Variants in CASTOR2 observed in about 807,000 individuals in gnomAD.
CASTOR2 encodes the protein GATS protein like 2.
Under a neutral mutation model 31.2 loss-of-function variants are expected in CASTOR2, and 8 were observed. The ratio of observed to expected loss-of-function variants is 0.26; its 90% CI spans 0.15 to 0.46. The LOEUF (loss-of-function observed/expected upper bound fraction) is 0.46, where lower values mean the gene tolerates loss of function less well. Among genes scored for constraint, CASTOR2 ranks in the 20% least tolerant of loss-of-function variants. CASTOR2 has a pLI of 0.99. For missense variants in CASTOR2, 216 were observed against 382.1 expected (o/e 0.57, Z 3.62); for synonymous variants, 162 against 158.7 (o/e 1.02, Z -0.16).
Position 74,978,105 on chromosome 7 carries a change from T to G in CASTOR2, c.113+13007T>G, listed in dbSNP as rs1411074895. Among the ~76,000 whole-genome samples, 5 of 136,090 alleles carry G rather than the reference T, an allele frequency of 3.7e-5. No individual in the cohort carries two copies. The Admixed American group carries it at 3.7e-4, about 10-fold the overall frequency. 89.3% of individuals were successfully genotyped at this position (136,090 alleles called of 152,430 possible). On this transcript the variant is annotated intron_variant, in intron 1 of 8. Transcript: ENST00000616305. ...CTGAGGTTTTGCTTGCACACCCCAA[T>G]TTTTTTTTTTTTTTTTTGGAGACAG...
rs1326754499 is a variant in CASTOR2, at chr7:75,025,742, T to A, written c.*1043T>A. On this transcript the variant is annotated 3_prime_UTR_variant, in exon 9 of 9. Coordinates refer to ENST00000616305, the MANE Select transcript of CASTOR2 (RefSeq NM_001145064.3). Reference sequence around the variant, plus strand: ...AAAACCATACTTTGTTTTAGTTTTTTATTTAATGTATTTGCACCCAGGGTG... The same window carrying A: ...AAAACCATACTTTGTTTTAGTTTTTAATTTAATGTATTTGCACCCAGGGTG... 6.6e-6 allele frequency among the ~76,000 whole-genome samples: 1 copy of A among 152,256 alleles called. No individual in the cohort carries two copies. The highest frequency in any genetic ancestry group is 1.5e-5 in the Non-Finnish European group (1 of 68,048).
intron 1 of CASTOR2, among the ~76,000 whole-genome samples, chr7:74,988,876 C>T (rs587663298): frequency 7.7e-4 from 117 of 151,096 alleles, no homozygotes; most frequent in African/African-American, 2.8e-3. Context: ...TTTCATTCCA[C>T]ATTGCATTTC....
At chr7:75,005,793 G>A (rs1242526668) in intron 1 of CASTOR2, among the ~76,000 whole-genome samples, 9 of 152,132 alleles carry the variant, frequency 5.9e-5, no homozygotes, top group Non-Finnish European at 8.8e-5. Flanking sequence ...AGTTCAAGAC[G>A]ACAACACAGC....
intron 1 of CASTOR2, among the ~76,000 whole-genome samples, chr7:75,004,090 C>T (rs1413308586): frequency 5.9e-5 from 9 of 152,166 alleles, no homozygotes; most frequent in Non-Finnish European, 1.2e-4. Flanking sequence ...TTTGCCTCCC[C>T]GGGGCTCTCG....
chr7:75,018,839 G>T, intron 4 of CASTOR2, 133 bp from the exon 5 acceptor site: 12 of 1,420,272 alleles, frequency 8.4e-6, no homozygotes, highest in Non-Finnish European at 9.7e-6. Flanking sequence ...GTAGAGGCTG[G>T]AGAAGCAGCG....
At chr7:75,023,412 C>G (rs1011548562) in intron 7 of CASTOR2, among the ~76,000 whole-genome samples, 13 of 151,808 alleles carry the variant, frequency 8.6e-5, no homozygotes, top group African/African-American at 2.9e-4. Context: ...AGTCTTTCCT[C>G]TGTTTCCACA....
At chr7:74,987,534 G>C (rs1804097863) in intron 1 of CASTOR2, among the ~76,000 whole-genome samples, 1 of 152,190 alleles carries the variant, frequency 6.6e-6, no homozygotes, top group African/African-American at 2.4e-5. Flanking sequence ...CTCCCGCAGA[G>C]GGCAGGGACA....
rs1805245389 is a variant in CASTOR2, at chr7:75,029,637, C to T, written c.*4938C>T. ...GGGATTACAGGCATGAGATACCCCG[C>T]CTGGCCAATGGGATTTTTGACGCCA... On this transcript the variant is annotated 3_prime_UTR_variant, in exon 9 of 9. Coordinates refer to ENST00000616305, the MANE Select transcript of CASTOR2 (RefSeq NM_001145064.3). 6.6e-6 allele frequency among the ~76,000 whole-genome samples: 1 copy of T among 152,148 alleles called. No homozygotes were observed. Among genetic ancestry groups the T allele is most frequent in the Admixed American group, 6.5e-5 (1 of 15,272 alleles).
intron 1 of CASTOR2, among the ~76,000 whole-genome samples, chr7:75,000,137 G>A (rs1167850806): frequency 2.0e-5 from 3 of 152,194 alleles, no homozygotes; most frequent in African/African-American, 7.2e-5. Flanking sequence ...GAGGTGGGAG[G>A]ATCGCTTGAG....
In CASTOR2 at chr7:75,030,315, G is replaced by C; in HGVS notation, c.*5616G>C. Among the ~76,000 whole-genome samples the C allele has an allele frequency of 6.6e-6, 1 of 152,246 alleles. No individual in the cohort carries two copies. On this transcript the variant is annotated 3_prime_UTR_variant, in exon 9 of 9. Transcript: ENST00000616305. ...ACCTGAGATATGGGACTGGCTCTTG[G>C]AGTATTTTGAGTTCTCAGTAGCAGT...
intron 1 of CASTOR2, among the ~76,000 whole-genome samples, chr7:74,996,405 C>T (rs1804347912): frequency 6.6e-6 from 1 of 152,096 alleles, no homozygotes; most frequent in East Asian, 1.9e-4. Flanking sequence ...CCCCAAAGTC[C>T]TTTAATAGCA....
intron 1 of CASTOR2, among the ~76,000 whole-genome samples, chr7:75,004,718 A>AT (rs1804570304): frequency 6.6e-6 from 1 of 152,042 alleles, no homozygotes; most frequent in Non-Finnish European, 1.5e-5. Flanking sequence ...AAATGCTGGG[A>AT]TTACAGGCAT....
intron 1 of CASTOR2, among the ~76,000 whole-genome samples, chr7:74,988,199 G>A (rs1402561887): frequency 4.0e-5 from 5 of 124,288 alleles, no homozygotes; most frequent in Admixed American, 3.8e-4. Flanking sequence ...GTGCCATCTC[G>A]GATCACTGCA....
intron 1 of CASTOR2, among the ~76,000 whole-genome samples, chr7:74,970,881 T>C (rs1554435021): frequency 1.3e-5 from 2 of 149,886 alleles, no homozygotes; most frequent in Non-Finnish European, 3.0e-5. Context: ...GAGGCTGCAG[T>C]GAGCTATGAT....
rs983793034 is a variant in CASTOR2, at chr7:75,026,713, G to T, written c.*2014G>T. On this transcript the variant is annotated 3_prime_UTR_variant, in exon 9 of 9. Transcript: ENST00000616305. ...TGCACAAAACTCCAGAACAAAACTC[G>T]TACATTGCTGGTCCCAAAAGGGAGG... 6.6e-6 allele frequency among the ~76,000 whole-genome samples: 1 copy of T among 151,606 alleles called. No individual in the cohort carries two copies. Among genetic ancestry groups the T allele is most frequent in the Admixed American group, 6.6e-5 (1 of 15,216 alleles).
At chr7:74,993,441 T>G (rs1319297710) in intron 1 of CASTOR2, among the ~76,000 whole-genome samples, 12 of 122,962 alleles carry the variant, frequency 9.8e-5, no homozygotes, top group Middle Eastern at 4.5e-3. Context: ...AGGTCCTCCT[T>G]TGTCTTTTTT....
At chr7:75,016,959 G>A (rs1472815978) in intron 2 of CASTOR2, among the ~76,000 whole-genome samples, 1 of 152,162 alleles carries the variant, frequency 6.6e-6, no homozygotes, top group Non-Finnish European at 1.5e-5. Context: ...TTGAGATCAG[G>A]AGTTCGAGAC....
intron 7 of CASTOR2, among the ~76,000 whole-genome samples, chr7:75,023,844 A>T (rs1212512871): frequency 6.6e-6 from 1 of 152,062 alleles, no homozygotes; most frequent in Non-Finnish European, 1.5e-5. Context: ...CACCCTCATA[A>T]TCCAGTCATC....
At position 75,026,579 on chromosome 7, in the gene CASTOR2, C is replaced by T. The variant is rs1414726778; in HGVS notation, c.*1880C>T. On this transcript the variant is annotated 3_prime_UTR_variant, in exon 9 of 9. Coordinates refer to ENST00000616305, the MANE Select transcript of CASTOR2 (RefSeq NM_001145064.3). ...GCTTCTCTGAGTGGGACCCTCTGAG[C>T]CCTGGAAGCCCACCAGAAGGAGAAG... Among the ~76,000 whole-genome samples, 2 of 152,150 alleles carry T rather than the reference C, an allele frequency of 1.3e-5. No individual in the cohort carries two copies. Among genetic ancestry groups the T allele is most frequent in the Non-Finnish European group, 2.9e-5 (2 of 68,028 alleles).
Sources: allele counts gnomAD v4.1 joint callset (sites outside exome capture counted in the v4.1 genomes callset), GRCh38; gene constraint gnomAD v4.1.1; transcripts MANE v1.5; gene names NCBI Gene and HGNC (gene_info 2026-07-23, HGNC 2026-07-21).